AIDA: variants seen among roughly 807,000 people sequenced by gnomAD.
AIDA encodes the protein axin interactor, dorsalization-associated protein.
Under a neutral mutation model 42.7 loss-of-function variants are expected in AIDA, and 18 were observed. The observed-to-expected ratio is 0.42, with a 90% CI of 0.29 to 0.63. The LOEUF (loss-of-function observed/expected upper bound fraction) is 0.63. AIDA is among the 20% of genes least tolerant of loss of function. The pLI, the probability that AIDA is intolerant of heterozygous loss-of-function variation, is 0.19. For synonymous variants in AIDA, 104 were observed against 122.9 expected (o/e 0.85, Z 1.02); for missense variants, 250 against 354.1 (o/e 0.71, Z 2.36).
rs996188546 is a variant in AIDA, at chr1:222,669,666, A to C, written c.*227T>G. ...GCACAATTAATAGAAAAGTAAAAAC[A>C]TGTTTCAAAATCTACAATAAACCTG... On this transcript the variant is annotated 3_prime_UTR_variant, in exon 10 of 10. Transcript: ENST00000340020. The C allele has an allele frequency of 1.3e-5, 6 of 473,832 alleles. No homozygotes were observed. The highest frequency in any genetic ancestry group is 2.3e-5 in the Non-Finnish European group (6 of 260,440). 29.4% of individuals were successfully genotyped at this position (473,832 alleles called of 1,614,324 possible).
At chr1:222,705,597 T>C (rs766238539) in intron 1 of AIDA, among the ~76,000 whole-genome samples, 4 of 152,202 alleles carry the variant, frequency 2.6e-5, no homozygotes, top group African/African-American at 4.8e-5. Context: ...ATAAAAGTTA[T>C]GCAAGGCCAG....
At chr1:222,678,719 C>G (rs1416658304) in intron 6 of AIDA, among the ~76,000 whole-genome samples, 2 of 152,148 alleles carry the variant, frequency 1.3e-5, no homozygotes, top group African/African-American at 4.8e-5. Context: ...TACTAAGGAA[C>G]AGCTGAAGCT....
intron 1 of AIDA, among the ~76,000 whole-genome samples, chr1:222,709,038 C>T (rs762531940): frequency 5.9e-5 from 9 of 152,124 alleles, no homozygotes; most frequent in East Asian, 1.9e-4. Context: ...AAACAGACAC[C>T]GCCCCAACAC....
rs184469140 is a variant in AIDA, at chr1:222,682,913, T to C, written c.460+4017A>G. 1.9e-3 allele frequency among the ~76,000 whole-genome samples: 292 copies of C among 152,338 alleles called. 1 individual carries two copies. The highest frequency in any genetic ancestry group is 6.7e-3 in the African/African-American group (279 of 41,584). ...AAATCTTTGCAATTTGCATTGCACA[T>C]AGATAACAGGTCATAGTGATACCAT... On this transcript the variant is annotated intron_variant, in intron 6 of 9. Transcript: ENST00000340020.
chr1:222,682,725 G>A (rs917426909), intron 6 of AIDA, among the ~76,000 whole-genome samples: 1 of 151,656 alleles, frequency 6.6e-6, no homozygotes, highest in Non-Finnish European at 1.5e-5. Context: ...ATATTTCTTT[G>A]TGCTGCCAAA....
chr1:222,711,143 C>T (rs899803302), intron 1 of AIDA, among the ~76,000 whole-genome samples: 4 of 152,076 alleles, frequency 2.6e-5, no homozygotes, highest in African/African-American at 9.7e-5. Flanking sequence ...GTTTCATACT[C>T]AGTGAAATCT....
intron 6 of AIDA, among the ~76,000 whole-genome samples, chr1:222,677,103 CTTATACTTCTTTTGTT>C (rs1386714325): frequency 6.6e-6 from 1 of 151,974 alleles, no homozygotes; most frequent in Non-Finnish European, 1.5e-5. Flanking sequence ...TCACAAAAGT[CTTATACTTCTTTTGTT>C]GGGTTTATTA....
intron 4 of AIDA, among the ~76,000 whole-genome samples, chr1:222,693,125 C>T (rs889522109): frequency 1.3e-5 from 2 of 152,018 alleles, no homozygotes; most frequent in Non-Finnish European, 2.9e-5. Flanking sequence ...TTTATGATTC[C>T]CTACTTAGAT....
chr1:222,693,643 G>A, intron 4 of AIDA, 146 bp downstream of exon 4: 1 of 574,786 alleles, frequency 1.7e-6, no homozygotes, highest in East Asian at 2.8e-5. Flanking sequence ...AAATGTTACA[G>A]AAGTAACAAA....
intron 1 of AIDA, among the ~76,000 whole-genome samples, chr1:222,704,778 T>G (rs1362478197): frequency 6.6e-6 from 1 of 152,168 alleles, no homozygotes. Flanking sequence ...ATTGTACGCT[T>G]TAAACTGGTA....
At chr1:222,687,699 G>A in intron 4 of AIDA, 41 bp from the exon 5 acceptor site, 1 of 1,343,474 alleles carries the variant, frequency 7.4e-7, no homozygotes, top group Non-Finnish European at 1.0e-6. Context: ...CTTCCATGAA[G>A]CAAAATCAAA....
At chr1:222,674,909 T>A (rs999027052) in intron 7 of AIDA, among the ~76,000 whole-genome samples, 2 of 152,238 alleles carry the variant, frequency 1.3e-5, no homozygotes, top group African/African-American at 4.8e-5. Context: ...TACACTATCA[T>A]TAAACATCTT....
chr1:222,685,773 T>C (rs1326769122), intron 6 of AIDA, among the ~76,000 whole-genome samples: 3 of 152,182 alleles, frequency 2.0e-5, no homozygotes, highest in East Asian at 1.9e-4. Context: ...CGTATATTCT[T>C]TGCTTCCCTA....
chr1:222,683,949 A>G (rs1426020317), intron 6 of AIDA, among the ~76,000 whole-genome samples: 2 of 152,152 alleles, frequency 1.3e-5, no homozygotes, highest in African/African-American at 4.8e-5. Flanking sequence ...AGGCTGGCTA[A>G]AAAGTTTTTA....
chr1:222,698,691 T>C (rs1655589185), intron 2 of AIDA, among the ~76,000 whole-genome samples: 1 of 152,040 alleles, frequency 6.6e-6, no homozygotes, highest in African/African-American at 2.4e-5. Context: ...CCTCAGGTGA[T>C]CCGCCCGCCT....
In AIDA at chr1:222,669,214, TAA is replaced by T. The variant is rs1471046050; in HGVS notation, c.*677_*678del. On this transcript the variant is annotated 3_prime_UTR_variant, in exon 10 of 10. Coordinates refer to ENST00000340020, the MANE Select transcript of AIDA (RefSeq NM_022831.4). Reference sequence around the variant, plus strand: ...TAGAAGAACAGCTAATCGACATGACTAAAAATATGCTCATTTTCAGAAAAACA... The same window carrying T: ...TAGAAGAACAGCTAATCGACATGACTAAATATGCTCATTTTCAGAAAAACA... 1 of 145,412 alleles carries T rather than the reference TAA, an allele frequency of 6.9e-6. No individual in the cohort carries two copies. Among genetic ancestry groups the T allele is most frequent in the Admixed American group, 6.9e-5 (1 of 14,422 alleles). The allele number at this position is 145,412 out of a possible 1,614,324, so 9.0% of individuals were successfully genotyped here. A position where few individuals can be genotyped will look rare whatever the true frequency, so the allele number is the denominator to read the frequency against.
intron 2 of AIDA, among the ~76,000 whole-genome samples, chr1:222,697,070 G>C (rs1655540412): frequency 6.6e-6 from 1 of 152,000 alleles, no homozygotes; most frequent in Non-Finnish European, 1.5e-5. Context: ...AGCCTCTCGA[G>C]TAGCTGGGAT....
chr1:222,707,548 G>A (rs993847028), intron 1 of AIDA, among the ~76,000 whole-genome samples: 3 of 151,210 alleles, frequency 2.0e-5, no homozygotes, highest in African/African-American at 7.3e-5. Context: ...ACACCTGATT[G>A]TGTCCACTGA....
chr1:222,700,982 G>GGGA, intron 2 of AIDA, among the ~76,000 whole-genome samples: 1 of 141,322 alleles, frequency 7.1e-6, no homozygotes, highest in Non-Finnish European at 1.6e-5. Context: ...GGGGGGGGGG[G>GGGA]GACAGGGTCT....
Sources: allele counts gnomAD v4.1 joint callset (sites outside exome capture counted in the v4.1 genomes callset), GRCh38; gene constraint gnomAD v4.1.1; transcripts MANE v1.5; gene names NCBI Gene and HGNC (gene_info 2026-07-23, HGNC 2026-07-21).